Variants in HPSE2 observed in about 807,000 individuals in gnomAD.
HPSE2 encodes inactive heparanase-2.
A neutral mutation model predicts 60.5 loss-of-function variants in HPSE2; 38 were observed. The observed-to-expected ratio is 0.63, with a 90% CI of 0.48 to 0.82. The LOEUF (loss-of-function observed/expected upper bound fraction) is 0.82, where lower values mean the gene tolerates loss of function less well. HPSE2 is among the 40% of genes least tolerant of loss of function. HPSE2 has a pLI of 0.00. For missense variants in HPSE2, 713 were observed against 740.4 expected, an observed-to-expected ratio of 0.96 and a Z score of 0.43; for synonymous variants, 295 against 293.2, an observed-to-expected ratio of 1.01 and a Z score of -0.06.
At chr10:98,875,280 C>A (rs996540758) in intron 3 of HPSE2, among the ~76,000 whole-genome samples, 2 of 151,880 alleles carry the variant, frequency 1.3e-5, no homozygotes, top group Non-Finnish European at 2.9e-5. Context: ...GGACCACTAA[C>A]TAGACTAATA....
At chr10:99,102,502 C>T (rs1273781978) in intron 3 of HPSE2, among the ~76,000 whole-genome samples, 1 of 152,032 alleles carries the variant, frequency 6.6e-6, no homozygotes, top group Non-Finnish European at 1.5e-5. Flanking sequence ...ACCCTACCAA[C>T]CAAAAAAAGG....
At chr10:98,968,296 A>G (rs1326642099) in intron 3 of HPSE2, among the ~76,000 whole-genome samples, 1 of 152,186 alleles carries the variant, frequency 6.6e-6, no homozygotes, top group Non-Finnish European at 1.5e-5. Context: ...CAGGTTTCTT[A>G]TTATTAACAT....
chr10:98,948,518 C>A (rs1955256060), intron 3 of HPSE2, among the ~76,000 whole-genome samples: 1 of 152,158 alleles, frequency 6.6e-6, no homozygotes, highest in Non-Finnish European at 1.5e-5. Context: ...TTCAAGACTG[C>A]TTTTGACTTC....
At chr10:98,831,600 G>A (rs1951684807) in intron 3 of HPSE2, among the ~76,000 whole-genome samples, 1 of 152,206 alleles carries the variant, frequency 6.6e-6, no homozygotes, top group Non-Finnish European at 1.5e-5. Flanking sequence ...ATTTGGGATT[G>A]TTCTCCAACA....
chr10:98,480,547 C>T (rs565306084), intron 11 of HPSE2, among the ~76,000 whole-genome samples: 1 of 152,220 alleles, frequency 6.6e-6, no homozygotes, highest in South Asian at 2.1e-4. Context: ...CAGCTCCAAA[C>T]AGCAGGGGAA....
intron 7 of HPSE2, among the ~76,000 whole-genome samples, chr10:98,633,012 C>G (rs887061787): frequency 4.6e-5 from 7 of 152,110 alleles, no homozygotes; most frequent in Non-Finnish European, 8.8e-5. Context: ...TTCTGCCCTT[C>G]TACCTCCCCC....
At chr10:98,952,281 T>C (rs531472209) in intron 3 of HPSE2, among the ~76,000 whole-genome samples, 4 of 151,176 alleles carry the variant, frequency 2.6e-5, no homozygotes, top group African/African-American at 7.3e-5. Context: ...TGTAAGACCA[T>C]TGAGGAAGGA....
the HPSE2 span, among the ~76,000 whole-genome samples, chr10:99,272,660 A>G: frequency 9.2e-6 from 1 of 108,456 alleles, no homozygotes; most frequent in East Asian, 2.3e-4. Context: ...TTCAACAAAC[A>G]TATGAAAAAT....
intron 9 of HPSE2, among the ~76,000 whole-genome samples, chr10:98,580,091 A>G (rs1944750914): frequency 6.6e-6 from 1 of 152,198 alleles, no homozygotes; most frequent in African/African-American, 2.4e-5. Flanking sequence ...GCTCTATTGT[A>G]TTGCAGTCTC....
intron 3 of HPSE2, among the ~76,000 whole-genome samples, chr10:99,029,126 C>G (rs968851281): frequency 6.6e-6 from 1 of 152,076 alleles, no homozygotes; most frequent in African/African-American, 2.4e-5. Flanking sequence ...AAGAAACGGA[C>G]AAATGGGATC....
intron 2 of HPSE2, among the ~76,000 whole-genome samples, chr10:99,210,566 T>C (rs1003913280): frequency 1.3e-5 from 2 of 152,162 alleles, no homozygotes; most frequent in Non-Finnish European, 2.9e-5. Flanking sequence ...AAGAGAATCA[T>C]TCACCATGAA....
intron 3 of HPSE2, among the ~76,000 whole-genome samples, chr10:99,002,961 T>C (rs1489762318): frequency 6.6e-6 from 1 of 151,928 alleles, no homozygotes; most frequent in Non-Finnish European, 1.5e-5. Context: ...CAATAGATCC[T>C]TTGTACATAT....
chr10:99,214,173 T>A (rs574607692), intron 2 of HPSE2, among the ~76,000 whole-genome samples: 4 of 152,238 alleles, frequency 2.6e-5, no homozygotes, highest in Non-Finnish European at 5.9e-5. Flanking sequence ...TCACACCTAC[T>A]AGGATGTCAA....
intron 3 of HPSE2, among the ~76,000 whole-genome samples, chr10:99,098,431 A>G (rs1044024648): frequency 5.3e-5 from 8 of 152,174 alleles, no homozygotes; most frequent in Non-Finnish European, 1.0e-4. Flanking sequence ...AGATGACTGT[A>G]TATTTTGCAA....
chr10:99,232,745 C>T (rs528939903), intron 1 of HPSE2, among the ~76,000 whole-genome samples: 2 of 152,352 alleles, frequency 1.3e-5, no homozygotes, highest in Admixed American at 6.5e-5. Flanking sequence ...GCGGCCCCCT[C>T]CCGCAGACAC....
chr10:98,921,983 T>A (rs1266341771), intron 3 of HPSE2, among the ~76,000 whole-genome samples: 1 of 152,162 alleles, frequency 6.6e-6, no homozygotes, highest in Non-Finnish European at 1.5e-5. Flanking sequence ...ACCTGTGATG[T>A]CCAACAGAAT....
At chr10:98,724,073 A>T (rs1485487936) in intron 4 of HPSE2, among the ~76,000 whole-genome samples, 1 of 151,714 alleles carries the variant, frequency 6.6e-6, no homozygotes, top group African/African-American at 2.4e-5. Context: ...TCAATTTTAG[A>T]TCTTTCCTGC....
chr10:98,712,207 C>A (rs1405412270), intron 5 of HPSE2, among the ~76,000 whole-genome samples: 1 of 151,666 alleles, frequency 6.6e-6, no homozygotes, highest in Non-Finnish European at 1.5e-5. Context: ...ACTGACTTCT[C>A]TGGTATTAGA....
the HPSE2 span, among the ~76,000 whole-genome samples, chr10:99,281,783 A>G: frequency 6.6e-6 from 1 of 152,302 alleles, no homozygotes; most frequent in East Asian, 1.9e-4. Context: ...GATCATGGTA[A>G]ACAGTTTAGA....
Sources: gnomAD v4.1 joint callset for allele counts (sites outside exome capture counted in the v4.1 genomes callset) on GRCh38, gnomAD v4.1.1 for gene constraint, MANE v1.5 for transcripts, NCBI Gene and HGNC (gene_info 2026-07-23, HGNC 2026-07-21) for gene names.